The following WIF1 variants were observed in gnomAD, a reference collection of about 807,000 sequenced individuals.
The protein encoded by WIF1 is Wnt inhibitory factor 1.
WIF1 carries 35 observed loss-of-function variants against 53.5 expected under a neutral mutation model. That is an observed-to-expected ratio of 0.65 (90% CI 0.50 to 0.87). The LOEUF (loss-of-function observed/expected upper bound fraction) is 0.87, where lower values mean the gene tolerates loss of function less well. WIF1 is among the 40% of genes least tolerant of loss of function. The probability of loss-of-function intolerance (pLI) is 0.00; values close to 1 mark genes in which losing one functional copy is unlikely to be tolerated. For synonymous variants in WIF1, 171 were observed against 170.4 expected, an observed-to-expected ratio of 1.00 and a Z score of -0.03; for missense variants, 467 against 476.8, an observed-to-expected ratio of 0.98 and a Z score of 0.19.
chr12:65,071,007 G>A (rs999622352), intron 3 of WIF1, among the ~76,000 whole-genome samples: 10 of 151,916 alleles, frequency 6.6e-5, no homozygotes, highest in Admixed American at 3.9e-4. Context: ...AGGCCGAGGC[G>A]GGTGCATCAC....
intron 5 of WIF1, among the ~76,000 whole-genome samples, chr12:65,067,146 G>A (rs6581603): frequency 0.98 from 149,162 of 152,270 alleles, 73,075 homozygotes; most frequent in East Asian, 1. Context: ...TTTTTTAACT[G>A]TCTCTCACAG....
At position 65,051,166 on chromosome 12, in the gene WIF1, C is replaced by A; in HGVS notation, c.*183G>T. ...AAACAAGAAAATCTATACCATCATG[C>A]TACAGACGTACTTAGAAAACTTAAA... On this transcript the variant is annotated 3_prime_UTR_variant, in exon 10 of 10. Transcript: ENST00000286574. The A allele has an allele frequency of 1.5e-6, 1 of 664,628 alleles. No individual in the cohort carries two copies. Among genetic ancestry groups the A allele is most frequent in the Non-Finnish European group, 2.3e-6 (1 of 439,918 alleles). The allele number at this position is 664,628 out of a possible 1,614,324, so 41.2% of individuals were successfully genotyped here. A position where few individuals can be genotyped will look rare whatever the true frequency, so the allele number is the denominator to read the frequency against.
At chr12:65,120,284 T>C in intron 2 of WIF1, 133 bp downstream of exon 2, 4 of 946,134 alleles carry the variant, frequency 4.2e-6, no homozygotes, top group Non-Finnish European at 5.9e-6. Context: ...ATTAATTCTT[T>C]ATTTGCTTTG....
intron 2 of WIF1, among the ~76,000 whole-genome samples, chr12:65,092,194 C>A (rs1850377283): frequency 6.6e-6 from 1 of 151,098 alleles, no homozygotes; most frequent in African/African-American, 2.4e-5. Flanking sequence ...AACAGGAAAC[C>A]AAACACCACA....
chr12:65,072,203 C>A (rs1187976809), intron 3 of WIF1, among the ~76,000 whole-genome samples: 1 of 152,112 alleles, frequency 6.6e-6, no homozygotes, highest in African/African-American at 2.4e-5. Context: ...TCTCAGTTCC[C>A]CAAATGTGTG....
chr12:65,108,232 T>A (rs925331522), intron 2 of WIF1, among the ~76,000 whole-genome samples: 4 of 152,216 alleles, frequency 2.6e-5, no homozygotes, highest in Non-Finnish European at 5.9e-5. Flanking sequence ...TTAGTCTTGT[T>A]CATTTTCAAC....
intron 2 of WIF1, among the ~76,000 whole-genome samples, chr12:65,079,575 G>A (rs542842232): frequency 3.4e-4 from 50 of 148,008 alleles, no homozygotes; most frequent in African/African-American, 1.1e-3. Context: ...GTCATGAGCT[G>A]AGAACATGCC....
intron 2 of WIF1, among the ~76,000 whole-genome samples, chr12:65,093,782 C>G (rs772614814): frequency 1.3e-5 from 2 of 152,038 alleles, no homozygotes; most frequent in African/African-American, 4.8e-5. Flanking sequence ...ATTCGGTTCC[C>G]GGATGGTCTG....
intron 7 of WIF1, among the ~76,000 whole-genome samples, chr12:65,058,304 A>G (rs549624616): frequency 6.6e-6 from 1 of 152,344 alleles, no homozygotes; most frequent in Admixed American, 6.5e-5. Flanking sequence ...TGATAATTAT[A>G]TGGCAGAAAA....
intron 2 of WIF1, among the ~76,000 whole-genome samples, chr12:65,078,385 T>C (rs1436736419): frequency 2.0e-5 from 3 of 152,036 alleles, no homozygotes; most frequent in Non-Finnish European, 4.4e-5. Flanking sequence ...GCCCAGTAAT[T>C]TTTTAACTTA....
intron 9 of WIF1, among the ~76,000 whole-genome samples, chr12:65,053,761 A>G (rs184200532): frequency 5.6e-4 from 86 of 152,294 alleles, no homozygotes; most frequent in African/African-American, 1.7e-3. Flanking sequence ...TATTTTAGAT[A>G]CATTAAACAA....
At chr12:65,098,582 G>A (rs1038228403) in intron 2 of WIF1, among the ~76,000 whole-genome samples, 3 of 152,032 alleles carry the variant, frequency 2.0e-5, no homozygotes, top group East Asian at 1.9e-4. Context: ...AATGGATCAC[G>A]GCCAGAACTG....
chr12:65,109,445 T>G (rs1392078191), intron 2 of WIF1, among the ~76,000 whole-genome samples: 1 of 152,218 alleles, frequency 6.6e-6, no homozygotes, highest in African/African-American at 2.4e-5. Flanking sequence ...AGGTATGGGC[T>G]GGATTTCAGC....
At position 65,117,131 on chromosome 12, in the gene WIF1, A is replaced by G. The variant is rs1487919039; in HGVS notation, c.288+3286T>C. ...TATTGCTGGACCCTAAGTTGTATCT[A>G]TTTTTTAATTTTTATAAACAGCATG... On this transcript the variant is annotated intron_variant, in intron 2 of 9. Transcript: ENST00000286574. Among the ~76,000 whole-genome samples the G allele has an allele frequency of 3.9e-5, 6 of 151,978 alleles. No homozygotes were observed. The East Asian group carries it at 1.2e-3, about 29-fold the overall frequency.
In WIF1 at chr12:65,117,693, A is replaced by G. The variant is rs2136296816; in HGVS notation, c.288+2724T>C. Among the ~76,000 whole-genome samples, 2 of 152,350 alleles carry G rather than the reference A, an allele frequency of 1.3e-5. 1 individual carries two copies. Among genetic ancestry groups the G allele is most frequent in the Middle Eastern group, 6.8e-3 (2 of 294 alleles). ...GGAGCCCTGAGCTTGTTTTCCTGCA[A>G]CTAGACGGTCCTATATGGAGGTGAT... On this transcript the variant is annotated intron_variant, in intron 2 of 9. Coordinates refer to ENST00000286574, the MANE Select transcript of WIF1 (RefSeq NM_007191.5).
At chr12:65,060,683 T>A (rs1882598700) in intron 7 of WIF1, among the ~76,000 whole-genome samples, 1 of 152,332 alleles carries the variant, frequency 6.6e-6, no homozygotes, top group South Asian at 2.1e-4. Context: ...TTGAGTTTTA[T>A]GTGATTGTGA....
intron 2 of WIF1, among the ~76,000 whole-genome samples, chr12:65,084,500 A>G (rs1029417982): frequency 2.6e-5 from 4 of 152,216 alleles, no homozygotes; most frequent in Non-Finnish European, 5.9e-5. Context: ...CTGACCTTCA[A>G]TAGGACTTAA....
chr12:65,108,864 C>A (rs1398610425), intron 2 of WIF1, among the ~76,000 whole-genome samples: 2 of 152,164 alleles, frequency 1.3e-5, no homozygotes, highest in African/African-American at 2.4e-5. Flanking sequence ...CTTGTCCCTT[C>A]TATTGCTCCT....
At chr12:65,094,563 T>C (rs1883172672) in intron 2 of WIF1, among the ~76,000 whole-genome samples, 1 of 152,102 alleles carries the variant, frequency 6.6e-6, no homozygotes. Context: ...GAAGTAAGCA[T>C]GAAAAAAACA....
Sources: allele counts gnomAD v4.1 joint callset (sites outside exome capture counted in the v4.1 genomes callset), GRCh38; gene constraint gnomAD v4.1.1; transcripts MANE v1.5; gene names NCBI Gene and HGNC (gene_info 2026-07-23, HGNC 2026-07-21).